FHAD1: variants seen among roughly 807,000 people sequenced by gnomAD.
FHAD1 encodes forkhead associated phosphopeptide binding domain 1.
A neutral mutation model predicts 191.3 loss-of-function variants in FHAD1; 146 were observed. That is an observed-to-expected ratio of 0.76 (90% CI 0.67 to 0.88). The LOEUF is 0.88. FHAD1 is among the 40% of genes least tolerant of loss of function. FHAD1 has a pLI of 0.00. For missense variants in FHAD1, 1,635 were observed against 1,785.8 expected, an observed-to-expected ratio of 0.92 and a Z score of 1.52; for synonymous variants, 616 against 672.3, an observed-to-expected ratio of 0.92 and a Z score of 1.29.
chr1:15,360,516 G>T lies in FHAD1; in HGVS notation c.2775G>T (p.Met925Ile). The T allele has an allele frequency of 6.4e-7, 1 of 1,551,636 alleles. No homozygotes were observed. The change falls in exon 22 of 34, where the codon ATG becomes ATT. Residue 925 changes from methionine (M) to isoleucine (I), a missense_variant. Coordinates refer to ENST00000688493, the MANE Select transcript of FHAD1 (RefSeq NM_001391957.1). ...VEERLILQQK[M>I]VKALQDEQES... is the part of the protein sequence containing the mutation. ...AGCGGCTAATCCTGCAGCAGAAGAT[G>T]GTAAAGGCCCTCCAGGATGAGCAGG... is the stretch of plus-strand genomic sequence containing the variant.
At chr1:15,344,136 C>T (rs2102315294) in intron 16 of FHAD1, among the ~76,000 whole-genome samples, 1 of 152,322 alleles carries the variant, frequency 6.6e-6, no homozygotes, top group African/African-American at 2.4e-5. Flanking sequence ...CGCCCTTCCT[C>T]TGATACTCGG....
chr1:15,364,516 A>G (rs979701761), intron 23 of FHAD1, among the ~76,000 whole-genome samples: 1 of 152,198 alleles, frequency 6.6e-6, no homozygotes, highest in African/African-American at 2.4e-5. Context: ...AGGCTGAGGC[A>G]GGAGAATCAC....
chr1:15,316,471 AG>A lies in FHAD1; in HGVS notation c.1260+5del. ...AGAGTTAAAACTCTGCAAAACCGTG[AG>A]TTGAGCTTCCTCCTTTGTAGGTACC... is the stretch of plus-strand genomic sequence containing the variant. On this transcript the variant is annotated splice_donor_5th_base_variant and intron_variant, in intron 9 of 33. Transcript: ENST00000688493. The surrounding 1 kb of genome is among the most constrained non-coding windows in gnomAD (Gnocchi z 4.3). 1.9e-6 allele frequency: 3 copies of A among 1,551,542 alleles called. No homozygotes were observed. The highest frequency in any genetic ancestry group is 2.6e-6 in the Non-Finnish European group (3 of 1,146,872).
chr1:15,398,922 G>A (rs1706784170), downstream of FHAD1, among the ~76,000 whole-genome samples: 1 of 151,882 alleles, frequency 6.6e-6, no homozygotes, highest in South Asian at 2.1e-4. Context: ...CCAGGTTCAA[G>A]CCATTCTTCA....
At position 15,327,006 on chromosome 1, in the gene FHAD1, C is replaced by G; in HGVS notation, c.1474-53C>G. 1 of 1,169,464 alleles carries G rather than the reference C, an allele frequency of 8.6e-7. No homozygotes were observed. Among genetic ancestry groups the G allele is most frequent in the South Asian group, 1.3e-5 (1 of 75,478 alleles). The allele number at this position is 1,169,464 out of a possible 1,614,324, so 72.4% of individuals were successfully genotyped here. On this transcript the variant is annotated intron_variant, in intron 11 of 33. Coordinates refer to ENST00000688493, the MANE Select transcript of FHAD1 (RefSeq NM_001391957.1). The surrounding 1 kb of genome is among the most constrained non-coding windows in gnomAD (Gnocchi z 5.1). ...CACCCTGCCATGGAAACGCTGCCCC[C>G]ACTTGCCGGCCCCTGCTGACCCCCT...
intron 5 of FHAD1, among the ~76,000 whole-genome samples, chr1:15,297,603 C>T (rs1158193189): frequency 6.6e-6 from 1 of 152,186 alleles, no homozygotes; most frequent in Non-Finnish European, 1.5e-5. Context: ...TGTAAACAAG[C>T]CAGCCCAAAA....
downstream of FHAD1, among the ~76,000 whole-genome samples, chr1:15,401,214 C>T (rs973710209): frequency 1.3e-5 from 2 of 152,196 alleles, no homozygotes; most frequent in African/African-American, 2.4e-5. Flanking sequence ...AGTGGCTATG[C>T]AAAGCTGAAG....
intron 3 of FHAD1, among the ~76,000 whole-genome samples, chr1:15,277,452 T>C (rs1426554935): frequency 6.6e-6 from 1 of 152,182 alleles, no homozygotes; most frequent in Non-Finnish European, 1.5e-5. Flanking sequence ...AGAATTTGCA[T>C]ACAGGCCTTT....
chr1:15,331,181 G>A (rs1025674606), intron 14 of FHAD1, among the ~76,000 whole-genome samples: 2 of 152,084 alleles, frequency 1.3e-5, no homozygotes, highest in African/African-American at 4.8e-5. Flanking sequence ...GGGGGAAGAG[G>A]AGTGTGAGGT....
intron 3 of FHAD1, among the ~76,000 whole-genome samples, chr1:15,287,374 G>T (rs1662844405): frequency 6.6e-6 from 1 of 152,158 alleles, no homozygotes; most frequent in Non-Finnish European, 1.5e-5. Flanking sequence ...AAACGAACAG[G>T]TTTAATTGAC....
intron 2 of FHAD1, among the ~76,000 whole-genome samples, chr1:15,252,787 A>G (rs1646943054): frequency 6.6e-6 from 1 of 152,202 alleles, no homozygotes; most frequent in African/African-American, 2.4e-5. Context: ...CTTTCATTCC[A>G]TTCTCTGAAT....
At chr1:15,332,539 A>G (rs1001625285) in intron 14 of FHAD1, among the ~76,000 whole-genome samples, 8 of 152,100 alleles carry the variant, frequency 5.3e-5, no homozygotes, top group Non-Finnish European at 8.8e-5. Flanking sequence ...GAAACCCCTC[A>G]TCTCCAAAAA....
intron 2 of FHAD1, among the ~76,000 whole-genome samples, chr1:15,268,907 G>GGGCTAAT (rs1402777251): frequency 3.3e-5 from 5 of 151,662 alleles, no homozygotes; most frequent in African/African-American, 1.2e-4. Flanking sequence ...CCCTTTGTCA[G>GGGCTAAT]ATGAGTAGGT....
chr1:15,251,273 C>CAA (rs35431694), intron 1 of FHAD1, among the ~76,000 whole-genome samples: 40,702 of 118,536 alleles, frequency 0.34, 6,548 homozygotes, highest in Non-Finnish European at 0.41. Flanking sequence ...GACCCTGTCT[C>CAA]AAAAAAAAAA....
chr1:15,263,583 G>A lies in FHAD1; in HGVS notation c.94-8740G>A, dbSNP rs191030470. ...GTCGCCCAGGCTGGAGTGCAGTGGC[G>A]CAATCTCGGCTCACTGCAAGCTCCG... is the stretch of plus-strand genomic sequence containing the variant. On this transcript the variant is annotated intron_variant, in intron 2 of 33. Coordinates refer to ENST00000688493, the MANE Select transcript of FHAD1 (RefSeq NM_001391957.1). Among the ~76,000 whole-genome samples the A allele has an allele frequency of 1.9e-4, 27 of 144,324 alleles. No homozygotes were observed. The East Asian group carries it at 4.0e-3, about 21-fold the overall frequency. 94.7% of individuals were successfully genotyped at this position (144,324 alleles called of 152,430 possible).
rs1184898845 is a variant in FHAD1, at chr1:15,358,093, C to G, written c.2563-17C>G. 3 of 1,489,382 alleles carry G rather than the reference C, an allele frequency of 2.0e-6. No individual in the cohort carries two copies. The highest frequency in any genetic ancestry group is 2.7e-6 in the Non-Finnish European group (3 of 1,121,326). 92.3% of individuals were successfully genotyped at this position (1,489,382 alleles called of 1,614,324 possible). A position where few individuals can be genotyped will look rare whatever the true frequency, so the allele number is the denominator to read the frequency against. ...TTCCTGAATGTCTGTTATTTTGCTA[C>G]TTGTTTTTTTGTCTAGGAATTAGAA... is the stretch of plus-strand genomic sequence containing the variant. On this transcript the variant is annotated splice_polypyrimidine_tract_variant and intron_variant, in intron 20 of 33. Transcript: ENST00000688493.
chr1:15,246,749 A>C (rs1392962866), upstream of FHAD1, among the ~76,000 whole-genome samples: 1 of 152,132 alleles, frequency 6.6e-6, no homozygotes, highest in African/African-American at 2.4e-5. Flanking sequence ...AGAAATCCTC[A>C]TTCTTTCAAA....
rs765377365 is a variant in FHAD1, at chr1:15,345,435, C to T, written c.2258C>T (p.Thr753Ile). 2.6e-6 allele frequency: 4 copies of T among 1,552,314 alleles called. No individual in the cohort carries two copies. In the South Asian group the frequency reaches 4.8e-5, roughly 18 times the overall value. The change falls in exon 18 of 34, where the codon ACC (threonine) becomes ATC (isoleucine). Residue 753 changes from threonine to isoleucine, a missense_variant. Thr to Ile is a moderately conservative substitution (Grantham distance 89). Coordinates refer to ENST00000688493, the MANE Select transcript of FHAD1 (RefSeq NM_001391957.1). ...ACTCAGGCTTTGGCGAAAAGCATTA[C>T]CCAGGAGAAGAACAGAGTGAAGGAA... ...QQKKALAKSI[T>I]QEKNRVKEAL...
In FHAD1 at chr1:15,322,384, TA is replaced by T. The variant is rs756375240; in HGVS notation, c.1366-2067del. 6.6e-5 allele frequency among the ~76,000 whole-genome samples: 10 copies of T among 152,338 alleles called. No individual in the cohort carries two copies. In the East Asian group the frequency reaches 1.3e-3, roughly 21 times the overall value. On this transcript the variant is annotated intron_variant, in intron 10 of 33. Transcript: ENST00000688493. The stretch of plus-strand genomic sequence containing the variant: ...CTAGAAATTATTATGCCCATTTTAT[TA>T]TTTTTTTAATATATTGGAGCTTTTC...
Sources: allele counts gnomAD v4.1 joint callset (sites outside exome capture counted in the v4.1 genomes callset), GRCh38; gene constraint gnomAD v4.1.1; non-coding constraint Gnocchi (gnomAD v3.1); transcripts MANE v1.5; gene names NCBI Gene and HGNC (gene_info 2026-07-23, HGNC 2026-07-21).